The following GMDS variants were observed in gnomAD, a reference collection of about 807,000 sequenced individuals.
GMDS encodes the protein GDP-mannose 4,6 dehydratase.
A neutral mutation model predicts 49.9 loss-of-function variants in GMDS; 20 were observed. That is an observed-to-expected ratio of 0.40 (90% CI 0.28 to 0.58). The LOEUF is 0.58. Among genes scored for constraint, GMDS ranks in the 20% least tolerant of loss-of-function variants. The probability of loss-of-function intolerance (pLI) is 0.42; values close to 1 mark genes in which losing one functional copy is unlikely to be tolerated. For missense variants in GMDS, 362 were observed against 481.4 expected (o/e 0.75, Z 2.32); for synonymous variants, 177 against 178.6 (o/e 0.99, Z 0.07).
chr6:1,721,937 G>C (rs1166688643), intron 9 of GMDS, among the ~76,000 whole-genome samples: 1 of 151,916 alleles, frequency 6.6e-6, no homozygotes, highest in Non-Finnish European at 1.5e-5. Context: ...AACGTGCTTA[G>C]TAATACTCAC....
At chr6:1,685,769 G>A (rs1432503013) in intron 9 of GMDS, among the ~76,000 whole-genome samples, 1 of 152,166 alleles carries the variant, frequency 6.6e-6, no homozygotes, top group Non-Finnish European at 1.5e-5. Context: ...GAATGGAGGG[G>A]CACAGGATGG....
At chr6:2,181,103 T>C (rs1581759222) in intron 1 of GMDS, among the ~76,000 whole-genome samples, 1 of 135,974 alleles carries the variant, frequency 7.4e-6, no homozygotes, top group Admixed American at 8.1e-5. Context: ...TGAACCCGGG[T>C]GGTGGAGCTT....
At chr6:2,090,613 GAAC>G (rs1773263541) in intron 4 of GMDS, among the ~76,000 whole-genome samples, 1 of 152,098 alleles carries the variant, frequency 6.6e-6, no homozygotes, top group Non-Finnish European at 1.5e-5. Flanking sequence ...TCATAAGCTA[GAAC>G]AACAACGACA....
chr6:2,040,602 G>A (rs1769617820), intron 4 of GMDS, among the ~76,000 whole-genome samples: 1 of 152,192 alleles, frequency 6.6e-6, no homozygotes, highest in South Asian at 2.1e-4. Flanking sequence ...GCCTGTAAGA[G>A]CTGTAGAGGA....
intron 9 of GMDS, among the ~76,000 whole-genome samples, chr6:1,716,610 C>CCAGGG (rs1766184269): frequency 6.6e-6 from 1 of 152,116 alleles, no homozygotes; most frequent in South Asian, 2.1e-4. Context: ...GAAGGCCTGG[C>CCAGGG]CAGGGCAGGG....
chr6:1,755,669 C>T (rs528318083), intron 7 of GMDS, among the ~76,000 whole-genome samples: 63 of 152,106 alleles, frequency 4.1e-4, no homozygotes, highest in Non-Finnish European at 7.4e-4. Context: ...GGAAAGGATT[C>T]CCTATTTAAT....
At chr6:2,125,605 A>C (rs1423941661) in intron 1 of GMDS, among the ~76,000 whole-genome samples, 4 of 149,936 alleles carry the variant, frequency 2.7e-5, no homozygotes, top group Non-Finnish European at 5.9e-5. Context: ...AGAGGGAAAG[A>C]AAAAAAAAAT....
chr6:1,890,751 A>G (rs1003062689), intron 7 of GMDS, among the ~76,000 whole-genome samples: 1 of 152,214 alleles, frequency 6.6e-6, no homozygotes, highest in Admixed American at 6.5e-5. Context: ...CCCACAATAA[A>G]TCCACTTTTA....
chr6:2,163,925 T>C (rs1269421098), intron 1 of GMDS, among the ~76,000 whole-genome samples: 1 of 152,222 alleles, frequency 6.6e-6, no homozygotes, highest in African/African-American at 2.4e-5. Context: ...TTTCTCACCA[T>C]TGTGAAAGCC....
rs375210372 is a variant in GMDS at position 1,744,761 on chromosome 6, G to A, written c.772-2175C>T. Reference sequence around the variant, plus strand: ...CTGTGCCTGCAAGTGAAATTCCCGCGGCCTGGAACACCCTGTCTCCTCATC... The same window carrying A: ...CTGTGCCTGCAAGTGAAATTCCCGCAGCCTGGAACACCCTGTCTCCTCATC... On this transcript the variant is annotated intron_variant, in intron 7 of 10. Coordinates refer to ENST00000380815, the MANE Select transcript of GMDS (RefSeq NM_001500.4). Among the ~76,000 whole-genome samples the A allele has an allele frequency of 3.3e-5, 5 of 152,180 alleles. No individual in the cohort carries two copies. The South Asian group carries it at 8.3e-4, about 25-fold the overall frequency.
At chr6:2,028,457 C>G (rs1057119516) in intron 4 of GMDS, among the ~76,000 whole-genome samples, 12 of 152,112 alleles carry the variant, frequency 7.9e-5, no homozygotes, top group Non-Finnish European at 1.5e-4. Context: ...ATTTAATTAA[C>G]CAAAACAAAA....
intron 8 of GMDS, among the ~76,000 whole-genome samples, chr6:1,733,338 G>T (rs540948249): frequency 6.6e-6 from 1 of 152,230 alleles, no homozygotes; most frequent in Non-Finnish European, 1.5e-5. Context: ...CTCAAGCAGG[G>T]CCCTGGGCAC....
chr6:1,859,990 T>C (rs1188872135), intron 7 of GMDS, among the ~76,000 whole-genome samples: 3 of 152,228 alleles, frequency 2.0e-5, no homozygotes, highest in East Asian at 1.9e-4. Context: ...GATTGACCTA[T>C]AGATTGTCTT....
intron 7 of GMDS, among the ~76,000 whole-genome samples, chr6:1,877,210 C>A (rs932249656): frequency 2.0e-5 from 3 of 151,904 alleles, no homozygotes; most frequent in African/African-American, 7.3e-5. Flanking sequence ...TTCAGTTGAA[C>A]CACTGGTGGA....
At chr6:2,174,283 A>G (rs181669249) in intron 1 of GMDS, among the ~76,000 whole-genome samples, 2 of 152,340 alleles carry the variant, frequency 1.3e-5, no homozygotes, top group East Asian at 3.9e-4. Flanking sequence ...TTTAAAAAGG[A>G]TAAGAGAATG....
intron 4 of GMDS, among the ~76,000 whole-genome samples, chr6:2,106,777 T>C (rs1375802058): frequency 6.6e-6 from 1 of 151,590 alleles, no homozygotes. Flanking sequence ...GCAGGAGAAT[T>C]GCTTCAACTC....
At chr6:2,165,064 G>C (rs1316250159) in intron 1 of GMDS, among the ~76,000 whole-genome samples, 2 of 152,134 alleles carry the variant, frequency 1.3e-5, no homozygotes, top group African/African-American at 4.8e-5. Context: ...CTTACTACTG[G>C]AAAGAGTTAT....
Position 2,122,291 on chromosome 6 carries a change from C to T in GMDS, c.147+2396G>A, listed in dbSNP as rs138180857. ...CTGACTGGGGTCGTGTTAGAAAGAA[C>T]AATTCCCAGATCCCTGAACCAGCCT... On this transcript the variant is annotated intron_variant, in intron 2 of 10. Transcript: ENST00000380815. Among the ~76,000 whole-genome samples the T allele has an allele frequency of 9.8e-5, 15 of 152,296 alleles. No individual in the cohort carries two copies. In the East Asian group the frequency reaches 2.3e-3, roughly 24 times the overall value.
At chr6:2,020,013 C>T (rs553592621) in intron 4 of GMDS, among the ~76,000 whole-genome samples, 1 of 152,188 alleles carries the variant, frequency 6.6e-6, no homozygotes, top group South Asian at 2.1e-4. Context: ...ATTTTTGCAT[C>T]TATTCAGAAA....
Sources: gnomAD v4.1 joint callset for allele counts (sites outside exome capture counted in the v4.1 genomes callset) on GRCh38, gnomAD v4.1.1 for gene constraint, MANE v1.5 for transcripts, NCBI Gene and HGNC (gene_info 2026-07-23, HGNC 2026-07-21) for gene names.